KDM4B: variants seen among roughly 807,000 people sequenced by gnomAD.
KDM4B encodes the protein lysine-specific demethylase 4B.
KDM4B carries 32 observed loss-of-function variants against 125.2 expected under a neutral mutation model. The ratio of observed to expected loss-of-function variants is 0.26; its 90% CI spans 0.19 to 0.34. KDM4B has a LOEUF of 0.34. Ranked by LOEUF, KDM4B falls within the 10% of genes least tolerant of loss-of-function variation. The pLI is 1.00. For missense variants in KDM4B, 1,190 were observed against 1,577.7 expected (o/e 0.75, Z 4.16); for synonymous variants, 721 against 677.9 (o/e 1.06, Z -0.99).
At chr19:5,143,176 T>G (rs928802018) in intron 18 of KDM4B, among the ~76,000 whole-genome samples, 3 of 151,910 alleles carry the variant, frequency 2.0e-5, no homozygotes, top group African/African-American at 7.3e-5. Context: ...AGTCAAAAAT[T>G]AGCCAGGCAT....
intron 13 of KDM4B, among the ~76,000 whole-genome samples, chr19:5,132,896 C>T (rs974291564): frequency 4.6e-5 from 7 of 152,316 alleles, no homozygotes; most frequent in Non-Finnish European, 8.8e-5. Context: ...GCTCCGCTGG[C>T]GGTACTGTCT....
At chr19:5,149,371 C>G (rs566816730) in intron 21 of KDM4B, among the ~76,000 whole-genome samples, 1 of 152,364 alleles carries the variant, frequency 6.6e-6, no homozygotes, top group South Asian at 2.1e-4. Flanking sequence ...TGATCTGTCA[C>G]CCAGCCTGGA....
chr19:5,126,738 C>G (rs188525986), intron 11 of KDM4B, among the ~76,000 whole-genome samples: 2 of 152,342 alleles, frequency 1.3e-5, no homozygotes, highest in Admixed American at 1.3e-4. Flanking sequence ...CCTCTGGGAC[C>G]GTCAGGCGCA....
chr19:5,116,067 G>A (rs1388415294), intron 10 of KDM4B, among the ~76,000 whole-genome samples: 1 of 151,728 alleles, frequency 6.6e-6, no homozygotes, highest in Non-Finnish European at 1.5e-5. Context: ...TTAAACAAAG[G>A]CCCTGAAAGC....
At chr19:5,048,377 C>A (rs999036246) in intron 6 of KDM4B, among the ~76,000 whole-genome samples, 2 of 152,218 alleles carry the variant, frequency 1.3e-5, no homozygotes, top group African/African-American at 2.4e-5. Context: ...CCTGTGTCAC[C>A]GGGCTCTGCT....
At chr19:5,066,760 G>A (rs1358474612) in intron 6 of KDM4B, among the ~76,000 whole-genome samples, 1 of 152,194 alleles carries the variant, frequency 6.6e-6, no homozygotes, top group East Asian at 1.9e-4. Flanking sequence ...ATCCCGGGCT[G>A]GAGATGCGGA....
chr19:5,096,788 G>A (rs1435544844), intron 9 of KDM4B, among the ~76,000 whole-genome samples: 2 of 149,770 alleles, frequency 1.3e-5, no homozygotes, highest in African/African-American at 4.9e-5. Flanking sequence ...GCGCCTGCCT[G>A]GTGGAGGAGG....
At chr19:5,058,226 C>T (rs1227254138) in intron 6 of KDM4B, among the ~76,000 whole-genome samples, 1 of 152,212 alleles carries the variant, frequency 6.6e-6, no homozygotes, top group Non-Finnish European at 1.5e-5. Context: ...GATGGATCTG[C>T]CCAAGCCCTG....
In KDM4B at chr19:5,152,953, G is replaced by C. The variant is rs2039972873; in HGVS notation, c.*1442G>C. ...CCCAGCTACTCGGGAGGCTGTGGTG[G>C]GAGGATTGCTTGAGTCCAGGAGGTT... On this transcript the variant is annotated 3_prime_UTR_variant, in exon 23 of 23. Transcript: ENST00000159111. 1 of 152,322 alleles carries C rather than the reference G, an allele frequency of 6.6e-6. No homozygotes were observed. The highest frequency in any genetic ancestry group is 1.5e-5 in the Non-Finnish European group (1 of 68,222). The allele number at this position is 152,322 out of a possible 1,614,324, so 9.4% of individuals were successfully genotyped here.
intron 9 of KDM4B, among the ~76,000 whole-genome samples, chr19:5,087,674 G>A (rs2038550605): frequency 1.3e-5 from 2 of 152,164 alleles, no homozygotes; most frequent in Admixed American, 1.3e-4. Flanking sequence ...CCCCATCTCT[G>A]AGTATTCCAT....
chr19:5,001,040 T>C (rs1313352190), intron 1 of KDM4B, among the ~76,000 whole-genome samples: 1 of 151,692 alleles, frequency 6.6e-6, no homozygotes, highest in African/African-American at 2.4e-5. Flanking sequence ...TCCCCTTCTT[T>C]TTTTTTTTTG....
intron 9 of KDM4B, among the ~76,000 whole-genome samples, chr19:5,088,404 T>C (rs996791384): frequency 6.6e-6 from 1 of 152,090 alleles, no homozygotes; most frequent in African/African-American, 2.4e-5. Context: ...GCAGGCCATA[T>C]CACTCGGACA....
chr19:5,110,756 C>T lies in KDM4B; in HGVS notation c.1053C>T (p.Thr351=), dbSNP rs2039126014. The T allele has an allele frequency of 6.2e-7, 1 of 1,610,142 alleles. No individual in the cohort carries two copies. Among genetic ancestry groups the T allele is most frequent in the Admixed American group, 1.7e-5 (1 of 59,734 alleles). The change falls in exon 10 of 23, where the codon ACC becomes ACT. Residue 351 remains threonine (T), a synonymous_variant. Transcript: ENST00000159111. ...ACCACACGCGGCCCACGGCGCTCAC[C>T]AGCCCCGAGCTGAGCTCCTGGAGTG... ...VLDHTRPTAL[T]SPELSSWSAS... is the part of the protein sequence containing the mutation.
Position 5,152,194 on chromosome 19 carries a change from A to G in KDM4B, c.*683A>G, listed in dbSNP as rs1048724925. 6.6e-6 allele frequency: 1 copy of G among 151,972 alleles called. No individual in the cohort carries two copies. Among genetic ancestry groups the G allele is most frequent in the African/African-American group, 2.4e-5 (1 of 41,362 alleles). The allele number at this position is 151,972 out of a possible 1,614,324, so 9.4% of individuals were successfully genotyped here. A position where few individuals can be genotyped will look rare whatever the true frequency, so the allele number is the denominator to read the frequency against. ...GCCTCACCCCGGCTCCTGGGCTTTG[A>G]TGGTCTGGTGCCAGTGCCTGTGCCC... is the stretch of plus-strand genomic sequence containing the variant. On this transcript the variant is annotated 3_prime_UTR_variant, in exon 23 of 23. Coordinates refer to ENST00000159111, the MANE Select transcript of KDM4B (RefSeq NM_015015.3).
At position 5,132,640 on chromosome 19, in the gene KDM4B, C is replaced by T. The variant is rs553011872; in HGVS notation, c.1906+633C>T. Among the ~76,000 whole-genome samples the T allele has an allele frequency of 2.2e-3, 328 of 152,194 alleles. 2 individuals carry two copies. Among genetic ancestry groups the T allele is most frequent in the Non-Finnish European group, 4.0e-3 (271 of 67,992 alleles). ...GGACAGAGGAATGACCAGGGGCCCC[C>T]GCGGGCTGGCTTGGGAAGGGGTCTT... On this transcript the variant is annotated intron_variant, in intron 13 of 22. Coordinates refer to ENST00000159111, the MANE Select transcript of KDM4B (RefSeq NM_015015.3).
At chr19:4,982,147 G>T (rs939938253) in intron 1 of KDM4B, among the ~76,000 whole-genome samples, 3 of 152,060 alleles carry the variant, frequency 2.0e-5, no homozygotes, top group African/African-American at 7.3e-5. Flanking sequence ...CACAAAATTA[G>T]CCTGGTGTGT....
At position 5,119,671 on chromosome 19, in the gene KDM4B, C is replaced by G; in HGVS notation, c.1134C>G (p.Ser378Arg). 6.4e-7 allele frequency: 1 copy of G among 1,556,108 alleles called. No homozygotes were observed. Among genetic ancestry groups the G allele is most frequent in the Non-Finnish European group, 8.7e-7 (1 of 1,149,472 alleles). Residue 378 changes from serine to arginine, a missense_variant, in exon 11 of 23, where the codon AGC becomes AGG. Ser to Arg is a moderately radical substitution (Grantham distance 110). This residue lies in a region of KDM4B where 428 missense variants were observed against 405.1 expected (regional missense o/e 1.06). Transcript: ENST00000159111. ...KLLRRSHRKR[S>R]QPKKPKPEDP... ...TCTCCAGGTCTCACCGGAAACGGAGCCAGCCCAAGAAGCCGAAGCCCGAAG... is the reference window on the plus strand; with the variant it reads ...TCTCCAGGTCTCACCGGAAACGGAGGCAGCCCAAGAAGCCGAAGCCCGAAG...
In KDM4B at chr19:5,114,126, A is replaced by T. The variant is rs2039208040; in HGVS notation, c.1115+3308A>T. 1 of 1,288,988 alleles carries T rather than the reference A, an allele frequency of 7.8e-7. No homozygotes were observed. The highest frequency in any genetic ancestry group is 1.5e-5 in the African/African-American group (1 of 65,620). The allele number at this position is 1,288,988 out of a possible 1,614,324, so 79.8% of individuals were successfully genotyped here. ...GCTGTGCGTTCTGGTGCCCTGCCTG[A>T]GCCGGAGCCCTCACAGTGCTCTCTG... On this transcript the variant is annotated intron_variant, in intron 10 of 22. Coordinates refer to ENST00000159111, the MANE Select transcript of KDM4B (RefSeq NM_015015.3). The surrounding 1 kb of genome is among the most constrained non-coding windows in gnomAD (Gnocchi z 5.8).
At chr19:5,013,306 G>C (rs2035787195) in intron 1 of KDM4B, among the ~76,000 whole-genome samples, 1 of 152,204 alleles carries the variant, frequency 6.6e-6, no homozygotes. Context: ...GTGGGGACCT[G>C]GTGGCAGCCA....
Sources: gnomAD v4.1 joint callset for allele counts (sites outside exome capture counted in the v4.1 genomes callset) on GRCh38, gnomAD v4.1.1 for gene constraint, gnomAD v4.1.1 regional missense constraint, Gnocchi (gnomAD v3.1) non-coding constraint, MANE v1.5 for transcripts, NCBI Gene and HGNC (gene_info 2026-07-23, HGNC 2026-07-21) for gene names.